The following RARB variants were observed in gnomAD, a reference collection of about 807,000 sequenced individuals.
RARB encodes retinoic acid receptor beta, also known as HBV-activated protein.
Under a neutral mutation model 51.9 loss-of-function variants are expected in RARB, and 17 were observed. The observed-to-expected ratio is 0.33, with a 90% CI of 0.22 to 0.49. The LOEUF is 0.49. Ranked by LOEUF, RARB falls within the 20% of genes least tolerant of loss-of-function variation. RARB has a pLI of 0.99. For missense variants in RARB, 369 were observed against 550.8 expected (o/e 0.67, Z 3.30); for synonymous variants, 215 against 195.4 (o/e 1.10, Z -0.84).
intron 3 of RARB, among the ~76,000 whole-genome samples, chr3:25,515,096 C>T (rs897753119): frequency 2.0e-5 from 3 of 152,188 alleles, no homozygotes; most frequent in Non-Finnish European, 2.9e-5. Flanking sequence ...AGATGGCCTT[C>T]CCCACATTCT....
chr3:25,176,293 T>TTTTCTTTC lies in RARB; in HGVS notation c.178+1755_178+1762dup, dbSNP rs758062670. Among the ~76,000 whole-genome samples the TTTTCTTTC allele has an allele frequency of 8.1e-4, 52 of 64,210 alleles. 4 individuals carry two copies. Among genetic ancestry groups the TTTTCTTTC allele is most frequent in the East Asian group, 1.8e-3 (3 of 1,670 alleles). 42.1% of individuals were successfully genotyped at this position (64,210 alleles called of 152,430 possible). A position where few individuals can be genotyped will look rare whatever the true frequency, so the allele number is the denominator to read the frequency against. Reference sequence around the variant, plus strand: ...TGATTTATTTTTATTTATATTTATCTTTTCTTTCTTTCTTTCTTTCTTTCT... The same window carrying TTTTCTTTC: ...TGATTTATTTTTATTTATATTTATCTTTTCTTTCTTTCTTTCTTTCTTTCTTTCTTTCT... On this transcript the variant is annotated intron_variant, in intron 5 of 11. Transcript: ENST00000383772.
intron 5 of RARB, among the ~76,000 whole-genome samples, chr3:25,281,183 A>G (rs1703512839): frequency 6.6e-6 from 1 of 152,216 alleles, no homozygotes; most frequent in African/African-American, 2.4e-5. Context: ...TGTGTGTTGC[A>G]CTTGAAAGTT....
At chr3:24,912,705 A>G (rs1051565458) in intron 2 of RARB, among the ~76,000 whole-genome samples, 1 of 152,216 alleles carries the variant, frequency 6.6e-6, no homozygotes, top group Non-Finnish European at 1.5e-5. Context: ...CTACATGATT[A>G]AACTAAGTTG....
At chr3:25,563,844 C>A (rs1700370174) in intron 3 of RARB, among the ~76,000 whole-genome samples, 1 of 152,034 alleles carries the variant, frequency 6.6e-6, no homozygotes, top group African/African-American at 2.4e-5. Context: ...TGAACAAATT[C>A]CAGACTTTAA....
At chr3:24,981,144 C>T (rs928504523) in intron 2 of RARB, among the ~76,000 whole-genome samples, 8 of 152,314 alleles carry the variant, frequency 5.3e-5, no homozygotes, top group East Asian at 3.9e-4. Flanking sequence ...ATGGAAGCTT[C>T]GTCCCAGAGA....
intron 3 of RARB, among the ~76,000 whole-genome samples, chr3:25,086,057 G>A (rs1359978548): frequency 6.6e-6 from 1 of 152,044 alleles, no homozygotes; most frequent in South Asian, 2.1e-4. Context: ...TAGTTAATGT[G>A]GTCACTATGG....
At position 25,428,586 on chromosome 3, in the gene RARB, T is replaced by C. The variant is rs1037181460; in HGVS notation, c.-146T>C. The C allele has an allele frequency of 3.6e-6, 5 of 1,381,758 alleles. No homozygotes were observed. In the African/African-American group the frequency reaches 7.2e-5, roughly 20 times the overall value. The allele number at this position is 1,381,758 out of a possible 1,614,324, so 85.6% of individuals were successfully genotyped here. A position where few individuals can be genotyped will look rare whatever the true frequency, so the allele number is the denominator to read the frequency against. On this transcript the variant is annotated 5_prime_UTR_variant, in exon 1 of 8. Transcript: ENST00000330688. Reference sequence around the variant, plus strand: ...TTTTAGCTGGCTTGTCTGTCATAATTCATGATTCGGGGCTGGGAAAAAGAC... The same window carrying C: ...TTTTAGCTGGCTTGTCTGTCATAATCCATGATTCGGGGCTGGGAAAAAGAC...
intron 2 of RARB, among the ~76,000 whole-genome samples, chr3:25,470,135 C>T (rs903423904): frequency 6.6e-6 from 1 of 152,056 alleles, no homozygotes; most frequent in African/African-American, 2.4e-5. Flanking sequence ...GGTCTCCATA[C>T]CTGGTTTGTT....
intron 2 of RARB, among the ~76,000 whole-genome samples, chr3:24,984,030 G>C (rs749167947): frequency 1.3e-5 from 2 of 152,106 alleles, no homozygotes; most frequent in Non-Finnish European, 2.9e-5. Flanking sequence ...TGATGAAACT[G>C]TTCTGCCACT....
chr3:25,134,828 C>T (rs1333501139), intron 4 of RARB, among the ~76,000 whole-genome samples: 1 of 106,664 alleles, frequency 9.4e-6, no homozygotes, highest in Non-Finnish European at 2.1e-5. Flanking sequence ...TTAACCGTCA[C>T]TGCCTCTACC....
rs745367643 is a variant in RARB at position 25,597,364 on chromosome 3, T to C, written c.*748T>C. The C allele has an allele frequency of 2.0e-5, 3 of 152,456 alleles. No homozygotes were observed. Among genetic ancestry groups the C allele is most frequent in the Admixed American group, 6.6e-5 (1 of 15,236 alleles). The allele number at this position is 152,456 out of a possible 1,614,324, so 9.4% of individuals were successfully genotyped here. ...ATTTGTTCAATTGTTAATGTCACTT[T>C]AAATTAAAAGTGGTTTATTACTTGT... On this transcript the variant is annotated 3_prime_UTR_variant, in exon 8 of 8. Coordinates refer to ENST00000330688, the MANE Select transcript of RARB (RefSeq NM_000965.5).
At chr3:25,286,741 A>G (rs767865904) in intron 5 of RARB, among the ~76,000 whole-genome samples, 3 of 152,166 alleles carry the variant, frequency 2.0e-5, no homozygotes, top group Non-Finnish European at 4.4e-5. Context: ...TTGAGAGTTG[A>G]CAAAGTCATG....
intron 5 of RARB, among the ~76,000 whole-genome samples, chr3:25,403,259 T>C (rs1290711323): frequency 6.6e-6 from 1 of 151,300 alleles, no homozygotes; most frequent in Non-Finnish European, 1.5e-5. Flanking sequence ...AAATAAAGAG[T>C]GTAATTGGAT....
intron 5 of RARB, among the ~76,000 whole-genome samples, chr3:25,331,162 G>T (rs1033024347): frequency 6.6e-6 from 1 of 152,146 alleles, no homozygotes; most frequent in African/African-American, 2.4e-5. Context: ...ATTCAGCTCT[G>T]CACCAAGCAG....
chr3:25,090,537 T>G (rs1476252429), intron 3 of RARB, among the ~76,000 whole-genome samples: 1 of 152,142 alleles, frequency 6.6e-6, no homozygotes, highest in African/African-American at 2.4e-5. Flanking sequence ...CTGAACACTT[T>G]CCATTGAACA....
intron 5 of RARB, among the ~76,000 whole-genome samples, chr3:25,362,052 T>C (rs536290474): frequency 6.6e-6 from 1 of 152,262 alleles, no homozygotes; most frequent in Non-Finnish European, 1.5e-5. Flanking sequence ...CAGGCAGGAA[T>C]GTTTAAGTCT....
chr3:25,473,932 A>AAAAAAAAAAC (rs1695833518), intron 2 of RARB, among the ~76,000 whole-genome samples: 1 of 151,528 alleles, frequency 6.6e-6, no homozygotes, highest in African/African-American at 2.4e-5. Context: ...AAAAAAAAAA[A>AAAAAAAAAAC]ACCTTTATCT....
chr3:25,440,563 G>A (rs990162026), intron 1 of RARB, among the ~76,000 whole-genome samples: 8 of 152,084 alleles, frequency 5.3e-5, no homozygotes, highest in East Asian at 1.9e-4. Flanking sequence ...ACAAGGTCAG[G>A]AATTCGAGAC....
In RARB at chr3:25,206,957, G is replaced by C. The variant is rs151089932; in HGVS notation, c.178+32382G>C. On this transcript the variant is annotated intron_variant, in intron 5 of 11. Transcript: ENST00000383772. ...GAAAGTGGATTACAGTGAATTTTAT[G>C]AAAGTGGGGACTTTGCAGAATTTAC... 1.6e-4 allele frequency among the ~76,000 whole-genome samples: 24 copies of C among 152,288 alleles called. 1 individual carries two copies. The East Asian group carries it at 3.3e-3, about 21-fold the overall frequency.
Sources: gnomAD v4.1 joint callset for allele counts (sites outside exome capture counted in the v4.1 genomes callset) on GRCh38, gnomAD v4.1.1 for gene constraint, MANE v1.5 for transcripts, NCBI Gene and HGNC (gene_info 2026-07-23, HGNC 2026-07-21) for gene names.